The following CACNA1E variants were observed in gnomAD, a reference collection of about 807,000 sequenced individuals.
CACNA1E encodes voltage-dependent R-type calcium channel subunit alpha-1E.
CACNA1E carries 40 observed loss-of-function variants against 259.2 expected under a neutral mutation model. The ratio of observed to expected loss-of-function variants is 0.15; its 90% CI spans 0.12 to 0.20. The LOEUF (loss-of-function observed/expected upper bound fraction) is 0.20, where lower values mean the gene tolerates loss of function less well. CACNA1E is among the 10% of genes least tolerant of loss of function. The pLI is 1.00. For missense variants in CACNA1E, 1,874 were observed against 3,040.1 expected, an observed-to-expected ratio of 0.62 and a Z score of 9.02; for synonymous variants, 1,104 against 1,138.5, an observed-to-expected ratio of 0.97 and a Z score of 0.61.
intron 3 of CACNA1E, among the ~76,000 whole-genome samples, chr1:181,553,921 A>G (rs1032789813): frequency 5.3e-5 from 8 of 152,204 alleles, no homozygotes; most frequent in Non-Finnish European, 2.9e-5. Context: ...TATCATTATC[A>G]TGATCTTACT....
chr1:181,510,723 A>T, intron 2 of CACNA1E, 141 bp downstream of exon 2: 1 of 641,844 alleles, frequency 1.6e-6, no homozygotes, highest in Non-Finnish European at 2.9e-6. Context: ...AGCTAATGAC[A>T]GACCCCATGG....
At chr1:181,634,074 G>A (rs1177478027) in intron 6 of CACNA1E, among the ~76,000 whole-genome samples, 5 of 152,180 alleles carry the variant, frequency 3.3e-5, no homozygotes, top group Non-Finnish European at 5.9e-5. Context: ...AATGTGGACC[G>A]ATCATGCCCT....
At chr1:181,464,569 C>G (rs924136616) in intron 2 of CACNA1E, among the ~76,000 whole-genome samples, 1 of 142,216 alleles carries the variant, frequency 7.0e-6, no homozygotes, top group African/African-American at 2.6e-5. Flanking sequence ...TGTCCACCAT[C>G]TTTGTAGAAT....
intron 2 of CACNA1E, among the ~76,000 whole-genome samples, chr1:181,422,833 CA>C (rs1005932333): frequency 1.3e-5 from 2 of 152,142 alleles, no homozygotes; most frequent in East Asian, 3.9e-4. Context: ...TAGAAGCCTG[CA>C]ACTTCTTGTC....
chr1:181,721,704 C>T (rs1380894071), intron 15 of CACNA1E, 54 bp from the exon 16 acceptor site: 2 of 1,169,792 alleles, frequency 1.7e-6, no homozygotes, highest in Non-Finnish European at 2.6e-6. Context: ...GGCATTGGCC[C>T]CATTTTCTCC....
At chr1:181,730,156 A>G (rs72735235) in intron 18 of CACNA1E, among the ~76,000 whole-genome samples, 5,679 of 152,282 alleles carry the variant, frequency 0.037, 149 homozygotes, top group Non-Finnish European at 0.049. Flanking sequence ...GCTCTTCTGC[A>G]GACATGTGAA....
intron 2 of CACNA1E, among the ~76,000 whole-genome samples, chr1:181,476,514 G>T (rs986564172): frequency 6.6e-6 from 1 of 152,210 alleles, no homozygotes; most frequent in African/African-American, 2.4e-5. Flanking sequence ...TGTTACTGCG[G>T]CATTATCTTC....
intron 6 of CACNA1E, among the ~76,000 whole-genome samples, chr1:181,636,796 G>A (rs1427679443): frequency 6.6e-6 from 1 of 152,228 alleles, no homozygotes; most frequent in African/African-American, 2.4e-5. Context: ...AGGCTGGGGT[G>A]TGAGAGTTTC....
intron 14 of CACNA1E, 136 bp from the exon 15 acceptor site, chr1:181,720,647 G>A: frequency 1.5e-6 from 1 of 678,542 alleles, no homozygotes; most frequent in South Asian, 1.8e-5. Flanking sequence ...AAGTTATGTG[G>A]AATGGGGAAA....
chr1:181,324,725 G>T (rs1416308837), intron 1 of CACNA1E, among the ~76,000 whole-genome samples: 1 of 152,166 alleles, frequency 6.6e-6, no homozygotes, highest in East Asian at 1.9e-4. Context: ...TTTCCTGGAG[G>T]TTTGCATCCA....
At position 181,732,798 on chromosome 1, in the gene CACNA1E, T is replaced by G. The variant is rs1655631010; in HGVS notation, c.2712T>G (p.Ala904=). The G allele has an allele frequency of 1.2e-6, 2 of 1,602,814 alleles. No individual in the cohort carries two copies. Among genetic ancestry groups the G allele is most frequent in the Non-Finnish European group, 1.7e-6 (2 of 1,173,852 alleles). The change falls in exon 20 of 48, where the codon GCT becomes GCG. Residue 904 remains alanine (A), a synonymous_variant. Coordinates refer to ENST00000367573, the MANE Select transcript of CACNA1E (RefSeq NM_001205293.3). The surrounding 1 kb of genome is among the most constrained non-coding windows in gnomAD (Gnocchi z 5.5). ...AGCAGGAGGCAGGGGGAGGAGAGGC[T>G]GTGGTGACCTTTGAGGACCGGGCCA... ...PTQQEAGGGE[A]VVTFEDRARH...
At chr1:181,440,625 A>T (rs1006334094) in intron 2 of CACNA1E, among the ~76,000 whole-genome samples, 7 of 152,136 alleles carry the variant, frequency 4.6e-5, no homozygotes, top group Non-Finnish European at 1.0e-4. Flanking sequence ...GAATGACATC[A>T]TGCTCTCAAC....
chr1:181,715,964 C>A, intron 9 of CACNA1E, 76 bp from the exon 10 acceptor site: 2 of 937,862 alleles, frequency 2.1e-6, no homozygotes, highest in Non-Finnish European at 3.4e-6. Context: ...ATCTTGCCTG[C>A]ATTCCTCAAA....
intron 10 of CACNA1E, among the ~76,000 whole-genome samples, chr1:181,716,749 C>T (rs1653935871): frequency 6.6e-6 from 1 of 152,140 alleles, no homozygotes; most frequent in African/African-American, 2.4e-5. Flanking sequence ...AGAAATATCA[C>T]CAGTGTAGCA....
chr1:181,412,345 G>A (rs1465036418), intron 1 of CACNA1E, among the ~76,000 whole-genome samples: 2 of 152,192 alleles, frequency 1.3e-5, no homozygotes, highest in African/African-American at 4.8e-5. Flanking sequence ...GCTGAGTGAG[G>A]AGGATCGCTT....
At chr1:181,708,791 T>C (rs541316962) in intron 7 of CACNA1E, among the ~76,000 whole-genome samples, 13 of 152,308 alleles carry the variant, frequency 8.5e-5, no homozygotes, top group African/African-American at 2.4e-4. Flanking sequence ...CTCAGAATGG[T>C]TGTAAAGATT....
At chr1:181,756,177 C>CGTGAGCCTTGT in intron 29 of CACNA1E, 84 bp downstream of exon 29, 3 of 1,343,618 alleles carry the variant, frequency 2.2e-6, no homozygotes, top group African/African-American at 1.5e-5. Flanking sequence ...ATGAACAAGG[C>CGTGAGCCTTGT]TCACGCTTTG....
intron 20 of CACNA1E, 109 bp downstream of exon 20, chr1:181,733,143 AT>A: frequency 7.2e-7 from 1 of 1,390,504 alleles, no homozygotes; most frequent in Non-Finnish European, 9.5e-7. Context: ...TAAAATGGAA[AT>A]GATGCTGACA....
intron 6 of CACNA1E, among the ~76,000 whole-genome samples, chr1:181,592,999 T>C (rs1185546830): frequency 6.6e-6 from 1 of 152,172 alleles, no homozygotes; most frequent in Non-Finnish European, 1.5e-5. Context: ...GGCAAAACAC[T>C]GTTCTCCTCT....
Sources: allele counts gnomAD v4.1 joint callset (sites outside exome capture counted in the v4.1 genomes callset), GRCh38; gene constraint gnomAD v4.1.1; non-coding constraint Gnocchi (gnomAD v3.1); transcripts MANE v1.5; gene names NCBI Gene and HGNC (gene_info 2026-07-23, HGNC 2026-07-21).